The following DOT1L variants were observed in gnomAD, a reference collection of about 807,000 sequenced individuals.
DOT1L encodes histone-lysine N-methyltransferase, H3 lysine-79 specific.
A neutral mutation model predicts 153.3 loss-of-function variants in DOT1L; 33 were observed. The ratio of observed to expected loss-of-function variants is 0.22; its 90% CI spans 0.16 to 0.29. The LOEUF (loss-of-function observed/expected upper bound fraction) is 0.29. Ranked by LOEUF, DOT1L falls within the 10% of genes least tolerant of loss-of-function variation. DOT1L has a pLI of 1.00. For synonymous variants in DOT1L, 1,135 were observed against 965.1 expected (o/e 1.18, Z -3.26); for missense variants, 1,847 against 2,119.9 (o/e 0.87, Z 2.53).
At chr19:2,198,347 G>T (rs1436091856) in intron 7 of DOT1L, among the ~76,000 whole-genome samples, 1 of 152,192 alleles carries the variant, frequency 6.6e-6, no homozygotes, top group Non-Finnish European at 1.5e-5. Context: ...GCTCGCCTGC[G>T]CACCTCCCAT....
intron 25 of DOT1L, among the ~76,000 whole-genome samples, chr19:2,224,504 G>C (rs1350487178): frequency 7.0e-6 from 1 of 143,734 alleles, no homozygotes; most frequent in East Asian, 2.0e-4. Flanking sequence ...GTTTTGGTCT[G>C]TGGCCCAGGC....
chr19:2,220,400 G>A lies in DOT1L; in HGVS notation c.2806+178G>A, dbSNP rs758358615. ...TCCTGCATCCCACGAGCTGGGATGC[G>A]GATCGGGCTCAGCTGCAGCCATCTC... On this transcript the variant is annotated intron_variant, in intron 23 of 27. Coordinates refer to ENST00000398665, the MANE Select transcript of DOT1L (RefSeq NM_032482.3). The surrounding 1 kb of genome is among the most constrained non-coding windows in gnomAD (Gnocchi z 4.5). 53 of 714,164 alleles carry A rather than the reference G, an allele frequency of 7.4e-5. No homozygotes were observed. The highest frequency in any genetic ancestry group is 2.1e-4 in the African/African-American group (12 of 57,310). The allele number at this position is 714,164 out of a possible 1,614,324, so 44.2% of individuals were successfully genotyped here.
At position 2,232,173 on chromosome 19, in the gene DOT1L, G is replaced by A. The variant is rs1599639957; in HGVS notation, c.*2381G>A. ...TGCTGCTGCTGACTGTGGGTGGGCGGGCGGCGCCTGGGAGTGGCTCTTGCT... is the reference window on the plus strand; with the variant it reads ...TGCTGCTGCTGACTGTGGGTGGGCGAGCGGCGCCTGGGAGTGGCTCTTGCT... On this transcript the variant is annotated 3_prime_UTR_variant, in exon 28 of 28. Coordinates refer to ENST00000398665, the MANE Select transcript of DOT1L (RefSeq NM_032482.3). The A allele has an allele frequency of 4.5e-6, 1 of 224,612 alleles. No individual in the cohort carries two copies. Among genetic ancestry groups the A allele is most frequent in the East Asian group, 6.4e-5 (1 of 15,580 alleles). 13.9% of individuals were successfully genotyped at this position (224,612 alleles called of 1,614,324 possible).
chr19:2,189,824 G>A (rs760407860), intron 4 of DOT1L, 29 bp downstream of exon 4: 2 of 1,610,092 alleles, frequency 1.2e-6, no homozygotes, highest in Non-Finnish European at 1.7e-6. Context: ...CCCAGAGGGG[G>A]TTAGTAGTGC....
At position 2,226,808 on chromosome 19, in the gene DOT1L, T is replaced by C. The variant is rs2024354592; in HGVS notation, c.4287T>C (p.Ser1429=). The change falls in exon 27 of 28, where the codon TCT becomes TCC. Residue 1429 remains serine (S), a synonymous_variant. Transcript: ENST00000398665. The stretch of plus-strand genomic sequence containing the variant: ...AGAATGGCCACAACCTCTTCATCTC[T>C]GCGGCGGCCGTGCCTCCCGGAAGCC... The part of the protein sequence containing the change: ...DLKNGHNLFI[S]AAAVPPGSLL... 1.9e-6 allele frequency: 3 copies of C among 1,578,346 alleles called. No homozygotes were observed. Among genetic ancestry groups the C allele is most frequent in the Non-Finnish European group, 2.6e-6 (3 of 1,170,090 alleles).
chr19:2,175,370 G>T (rs1348025238), intron 1 of DOT1L, among the ~76,000 whole-genome samples: 1 of 152,044 alleles, frequency 6.6e-6, no homozygotes, highest in Non-Finnish European at 1.5e-5. Context: ...TGACGATCAT[G>T]ATTCACTGTG....
At chr19:2,228,385 A>AAGG (rs2024457070) in intron 27 of DOT1L, 1 of 1,286,938 alleles carries the variant, frequency 7.8e-7, no homozygotes, top group Non-Finnish European at 1.0e-6. Flanking sequence ...TGTGTAAGGT[A>AAGG]AGGCCAGAGC....
At chr19:2,192,685 A>T (rs1270997046) in intron 5 of DOT1L, among the ~76,000 whole-genome samples, 1 of 151,666 alleles carries the variant, frequency 6.6e-6, no homozygotes, top group Non-Finnish European at 1.5e-5. Context: ...AAAAAAAAAA[A>T]AAAAAAATGG....
intron 2 of DOT1L, 84 bp downstream of exon 2, chr19:2,180,840 G>A: frequency 1.9e-6 from 3 of 1,543,058 alleles, no homozygotes; most frequent in South Asian, 2.3e-5. Flanking sequence ...TCTGTTGTGG[G>A]GATGGCTCCT....
In DOT1L at chr19:2,223,389, A is replaced by G; in HGVS notation, c.3499A>G (p.Lys1167Glu). ...GGACCACGACCAGCCCCCCGTGCTC[A>G]AGAAGGAGCGGCCTCTGAGCCAGAC... ...YQDHDQPPVL[K>E]KERPLSQTNG... Residue 1167 changes from lysine (K) to glutamate (E), a missense_variant, in exon 25 of 28, where the codon AAG becomes GAG. Transcript: ENST00000398665. 1 of 1,613,766 alleles carries G rather than the reference A, an allele frequency of 6.2e-7. No individual in the cohort carries two copies. Among genetic ancestry groups the G allele is most frequent in the Non-Finnish European group, 8.5e-7 (1 of 1,179,980 alleles).
In DOT1L at chr19:2,231,271, C is replaced by T. The variant is rs961797374; in HGVS notation, c.*1479C>T. On this transcript the variant is annotated 3_prime_UTR_variant, in exon 28 of 28. Coordinates refer to ENST00000398665, the MANE Select transcript of DOT1L (RefSeq NM_032482.3). ...AGTGCTTGCTCCTGTGAGATGGCATCGGGGAGCCCCTTCCCCAAGGTGCCA... is the reference window on the plus strand; with the variant it reads ...AGTGCTTGCTCCTGTGAGATGGCATTGGGGAGCCCCTTCCCCAAGGTGCCA... 2.7e-5 allele frequency: 6 copies of T among 224,772 alleles called. No individual in the cohort carries two copies. The highest frequency in any genetic ancestry group is 6.4e-5 in the East Asian group (1 of 15,616). The allele number at this position is 224,772 out of a possible 1,614,324, so 13.9% of individuals were successfully genotyped here. A position where few individuals can be genotyped will look rare whatever the true frequency, so the allele number is the denominator to read the frequency against.
intron 1 of DOT1L, among the ~76,000 whole-genome samples, chr19:2,174,982 GTGTGTGTGTGTGTA>G (rs1167951547): frequency 4.6e-5 from 5 of 108,076 alleles, no homozygotes; most frequent in African/African-American, 2.2e-4. Context: ...GTGTGTGTGT[GTGTGTGTGTGTGTA>G]TATATATATT....
rs768561471 is a variant in DOT1L, at chr19:2,226,668, G to A, written c.4147G>A (p.Gly1383Ser). The A allele has an allele frequency of 1.3e-6, 2 of 1,577,364 alleles. No homozygotes were observed. Among genetic ancestry groups the A allele is most frequent in the Non-Finnish European group, 1.7e-6 (2 of 1,165,662 alleles). The part of the protein sequence containing the change: ...LDGLAGLKGE[G>S]SRGKEAGEGG... The stretch of plus-strand genomic sequence containing the variant: ...CGGCCTGGCTGGGCTGAAGGGCGAG[G>A]GCAGCCGCGGCAAGGAGGCAGGGGA... The change falls in exon 27 of 28, where the codon GGC becomes AGC. Residue 1383 changes from glycine (G) to serine (S), a missense_variant. Gly to Ser is a moderately conservative substitution (Grantham distance 56, BLOSUM62 0). Transcript: ENST00000398665.
chr19:2,227,201 C>A, intron 27 of DOT1L, 74 bp downstream of exon 27: 3 of 1,553,742 alleles, frequency 1.9e-6, no homozygotes, highest in Non-Finnish European at 2.6e-6. Flanking sequence ...AGGTTCCCTT[C>A]CGCACTCTCT....
intron 27 of DOT1L, 182 bp downstream of exon 27, chr19:2,227,309 T>A (rs564948510): frequency 3.7e-6 from 3 of 814,126 alleles, no homozygotes; most frequent in East Asian, 5.1e-5. Context: ...GGGCTCACGC[T>A]GAGTCCGTGT....
At chr19:2,214,901 A>G (rs2023841562) in intron 19 of DOT1L, among the ~76,000 whole-genome samples, 1 of 152,140 alleles carries the variant, frequency 6.6e-6, no homozygotes, top group Admixed American at 6.5e-5. Flanking sequence ...TGTAACAGTC[A>G]TAGGGGAGAA....
At chr19:2,187,456 G>A (rs1284013430) in intron 3 of DOT1L, among the ~76,000 whole-genome samples, 1 of 152,248 alleles carries the variant, frequency 6.6e-6, no homozygotes, top group Non-Finnish European at 1.5e-5. Context: ...CTTCGTTGGA[G>A]CTGGCAGGGC....
chr19:2,228,165 C>T (rs781038150), intron 27 of DOT1L: 5 of 1,364,876 alleles, frequency 3.7e-6, no homozygotes, highest in African/African-American at 1.5e-5. Flanking sequence ...GCTCACCTCC[C>T]TCCCGCACAA....
chr19:2,226,445 G>C lies in DOT1L; in HGVS notation c.3924G>C (p.Pro1308=). 2 of 1,601,612 alleles carry C rather than the reference G, an allele frequency of 1.2e-6. No homozygotes were observed. Among genetic ancestry groups the C allele is most frequent in the Non-Finnish European group, 1.7e-6 (2 of 1,179,262 alleles). ...TGTCGGGGGCTGACGGACTCAGCCC[G>C]GGCACCAACCCTGCCAACGGCTGCA... ...GSLSGADGLS[P]GTNPANGCTF... Residue 1308 remains proline, a synonymous_variant, in exon 27 of 28, where the codon CCG becomes CCC. Coordinates refer to ENST00000398665, the MANE Select transcript of DOT1L (RefSeq NM_032482.3).
Sources: allele counts gnomAD v4.1 joint callset (sites outside exome capture counted in the v4.1 genomes callset), GRCh38; gene constraint gnomAD v4.1.1; non-coding constraint Gnocchi (gnomAD v3.1); transcripts MANE v1.5; gene names NCBI Gene and HGNC (gene_info 2026-07-23, HGNC 2026-07-21).